COBLL1: variants seen among roughly 807,000 people sequenced by gnomAD.
COBLL1 encodes the protein cordon-bleu protein-like 1.
COBLL1 carries 50 observed loss-of-function variants against 94.8 expected under a neutral mutation model. The observed-to-expected ratio is 0.53, with a 90% CI of 0.42 to 0.67. COBLL1 has a LOEUF of 0.67. COBLL1 is among the 30% of genes least tolerant of loss of function. The pLI is 0.00. For missense variants in COBLL1, 1,362 were observed against 1,348.7 expected, an observed-to-expected ratio of 1.01 and a Z score of -0.15; for synonymous variants, 448 against 473.8, an observed-to-expected ratio of 0.95 and a Z score of 0.71.
intron 7 of COBLL1, among the ~76,000 whole-genome samples, chr2:164,718,553 TGTTAACA>T (rs1216524395): frequency 6.6e-6 from 1 of 152,188 alleles, no homozygotes; most frequent in Non-Finnish European, 1.5e-5. Context: ...CACAAGAAAC[TGTTAACA>T]GTGGTTGCCT....
At chr2:164,679,020 C>T (rs1682920122), downstream of COBLL1, among the ~76,000 whole-genome samples, 1 of 152,156 alleles carries the variant, frequency 6.6e-6, no homozygotes, top group African/African-American at 2.4e-5. Context: ...ACATTACCAA[C>T]TCCTATCCAC....
chr2:164,793,551 T>C (rs1683295745), intron 2 of COBLL1, among the ~76,000 whole-genome samples: 1 of 152,216 alleles, frequency 6.6e-6, no homozygotes, highest in African/African-American at 2.4e-5. Flanking sequence ...TATATTCTTA[T>C]GTTAGTTCCT....
downstream of COBLL1, among the ~76,000 whole-genome samples, chr2:164,678,808 C>A (rs1682911814): frequency 6.6e-6 from 1 of 152,114 alleles, no homozygotes; most frequent in Non-Finnish European, 1.5e-5. Flanking sequence ...GTTTTATGAA[C>A]CATCACTAGT....
At chr2:164,675,994 A>C (rs1265126194), downstream of COBLL1, among the ~76,000 whole-genome samples, 1 of 152,210 alleles carries the variant, frequency 6.6e-6, no homozygotes, top group Admixed American at 6.5e-5. Context: ...ACAAGATAAA[A>C]ATAGGAAAGA....
chr2:164,832,114 T>C (rs1683106385), intron 2 of COBLL1, among the ~76,000 whole-genome samples: 1 of 152,198 alleles, frequency 6.6e-6, no homozygotes, highest in Admixed American at 6.5e-5. Flanking sequence ...TAATACTTCC[T>C]CGCTTCCATT....
intron 2 of COBLL1, among the ~76,000 whole-genome samples, chr2:164,664,617 C>A (rs1691124615): frequency 6.6e-6 from 1 of 152,154 alleles, no homozygotes; most frequent in Non-Finnish European, 1.5e-5. Flanking sequence ...AAGTACTATT[C>A]AACCGTAAGA....
At chr2:164,699,778 T>C (rs985366757) in intron 10 of COBLL1, among the ~76,000 whole-genome samples, 1 of 152,096 alleles carries the variant, frequency 6.6e-6, no homozygotes, top group African/African-American at 2.4e-5. Flanking sequence ...ATAGTGGCTT[T>C]ATTTTGCTAT....
intron 2 of COBLL1, among the ~76,000 whole-genome samples, chr2:164,807,581 T>C (rs1441031731): frequency 2.0e-5 from 3 of 152,212 alleles, no homozygotes; most frequent in Admixed American, 2.0e-4. Context: ...CTTATTCATG[T>C]TCTCATTTTC....
At chr2:164,773,035 A>G (rs1004435958) in intron 2 of COBLL1, among the ~76,000 whole-genome samples, 7 of 91,806 alleles carry the variant, frequency 7.6e-5, no homozygotes, top group Admixed American at 5.6e-4. Context: ...TTTATTTTTT[A>G]ATTTAATGCA....
chr2:164,724,239 A>T (rs1027636553), intron 5 of COBLL1: 6 of 152,166 alleles, frequency 3.9e-5, no homozygotes, highest in African/African-American at 1.4e-4. Flanking sequence ...AAGATCATTG[A>T]TGGCTAACAT....
At chr2:164,744,238 G>C (rs1005791013) in intron 2 of COBLL1, among the ~76,000 whole-genome samples, 1 of 152,130 alleles carries the variant, frequency 6.6e-6, no homozygotes, top group African/African-American at 2.4e-5. Context: ...TTTCAGGATA[G>C]AGATCAGTAT....
chr2:164,805,819 A>C (rs1259182529), intron 2 of COBLL1, among the ~76,000 whole-genome samples: 1 of 152,120 alleles, frequency 6.6e-6, no homozygotes. Context: ...GTGTGGACTT[A>C]AGTTTTCAGT....
At chr2:164,673,629 G>A (rs751689343) in intron 1 of COBLL1, among the ~76,000 whole-genome samples, 2 of 152,042 alleles carry the variant, frequency 1.3e-5, no homozygotes, top group African/African-American at 4.8e-5. Context: ...AGCTGAGATC[G>A]GGCCACTGCA....
intron 3 of COBLL1, among the ~76,000 whole-genome samples, chr2:164,730,612 T>G (rs182241051): frequency 6.6e-6 from 1 of 152,308 alleles, no homozygotes; most frequent in East Asian, 1.9e-4. Context: ...AGTCCTGGGA[T>G]AGTCAAGAGA....
chr2:164,821,120 C>G (rs866279303), intron 2 of COBLL1, among the ~76,000 whole-genome samples: 1 of 151,998 alleles, frequency 6.6e-6, no homozygotes, highest in African/African-American at 2.4e-5. Flanking sequence ...ATCTCCTCAC[C>G]TCATGATCCA....
At chr2:164,660,699 G>C (rs1407898955) in intron 2 of COBLL1, among the ~76,000 whole-genome samples, 1 of 152,132 alleles carries the variant, frequency 6.6e-6, no homozygotes, top group Non-Finnish European at 1.5e-5. Flanking sequence ...TCTGGAAAAT[G>C]ATACAAAAAG....
intron 2 of COBLL1, among the ~76,000 whole-genome samples, chr2:164,820,071 T>A (rs1685088391): frequency 6.6e-6 from 1 of 151,018 alleles, no homozygotes; most frequent in Non-Finnish European, 1.5e-5. Context: ...TGACCTCAGG[T>A]GATCTGCCCA....
chr2:164,816,055 T>C (rs1458236310), intron 2 of COBLL1, among the ~76,000 whole-genome samples: 1 of 152,040 alleles, frequency 6.6e-6, no homozygotes, highest in Non-Finnish European at 1.5e-5. Flanking sequence ...AGCAAGCTTG[T>C]ACGCAAAAAC....
intron 2 of COBLL1, among the ~76,000 whole-genome samples, chr2:164,813,293 A>G (rs7420264): frequency 1.3e-5 from 2 of 152,174 alleles, no homozygotes; most frequent in Admixed American, 1.3e-4. Context: ...TAATGCACTT[A>G]TTTTAACCAC....
Sources: gnomAD v4.1 joint callset for allele counts (sites outside exome capture counted in the v4.1 genomes callset) on GRCh38, gnomAD v4.1.1 for gene constraint, MANE v1.5 for transcripts, NCBI Gene and HGNC (gene_info 2026-07-23, HGNC 2026-07-21) for gene names.